The following B3GALT1 variants were observed in gnomAD, a reference collection of about 807,000 sequenced individuals.
B3GALT1 encodes UDP-Gal:betaGlcNAc beta 1,3-galactosyltransferase, polypeptide 1.
In B3GALT1, 10 loss-of-function variants were observed where a neutral mutation model predicts 23.2. That is an observed-to-expected ratio of 0.43 (90% CI 0.27 to 0.73). The LOEUF is 0.73. Ranked by LOEUF, B3GALT1 falls within the 30% of genes least tolerant of loss-of-function variation. The pLI is 0.21. For synonymous variants in B3GALT1, 156 were observed against 141.5 expected (o/e 1.10, Z -0.73); for missense variants, 299 against 405.4 (o/e 0.74, Z 2.25).
rs1698392394 is a variant in B3GALT1, at chr2:167,411,512, C to A, written c.-510-78665C>A. Among the ~76,000 whole-genome samples the A allele has an allele frequency of 1.3e-5, 2 of 151,924 alleles. 1 individual carries two copies. Among genetic ancestry groups the A allele is most frequent in the Admixed American group, 1.3e-4 (2 of 15,260 alleles). On this transcript the variant is annotated intron_variant, in intron 1 of 4. Coordinates refer to ENST00000392690, the MANE Select transcript of B3GALT1 (RefSeq NM_020981.4). ...GAAAAAATGTTCAACATCATTAATC[C>A]TGAAATATCATCTCACCCCAGTTAA... is the stretch of plus-strand genomic sequence containing the variant.
chr2:167,614,956 G>A (rs1399712148), intron 2 of B3GALT1, among the ~76,000 whole-genome samples: 2 of 151,922 alleles, frequency 1.3e-5, no homozygotes, highest in East Asian at 1.9e-4. Flanking sequence ...TGATTTGAAT[G>A]TTAAAAATAA....
At chr2:167,860,044 C>T (rs575832368) in intron 4 of B3GALT1, among the ~76,000 whole-genome samples, 1 of 152,186 alleles carries the variant, frequency 6.6e-6, no homozygotes, top group Admixed American at 6.5e-5. Context: ...TGCTTATTTA[C>T]AGCATAATTA....
chr2:167,773,229 A>G (rs888563768), intron 3 of B3GALT1, among the ~76,000 whole-genome samples: 14 of 152,306 alleles, frequency 9.2e-5, no homozygotes, highest in African/African-American at 3.4e-4. Context: ...ATTTAGAAGC[A>G]ATCTTTGATA....
At chr2:167,560,283 C>T (rs1052600561) in intron 2 of B3GALT1, among the ~76,000 whole-genome samples, 15 of 151,782 alleles carry the variant, frequency 9.9e-5, no homozygotes, top group Non-Finnish European at 1.9e-4. Flanking sequence ...CCAGGCCTGC[C>T]CTCAAAGAGC....
At chr2:167,727,471 A>G (rs1900833) in intron 3 of B3GALT1, among the ~76,000 whole-genome samples, 111,865 of 151,974 alleles carry the variant, frequency 0.74, 42,423 homozygotes, top group Non-Finnish European at 0.86. Context: ...TTAGCCTACC[A>G]CAGTCCATCT....
chr2:167,691,490 A>G (rs960718000), intron 3 of B3GALT1, among the ~76,000 whole-genome samples: 1 of 152,080 alleles, frequency 6.6e-6, no homozygotes, highest in African/African-American at 2.4e-5. Flanking sequence ...AATTAATACC[A>G]ACAAACTAAG....
intron 2 of B3GALT1, among the ~76,000 whole-genome samples, chr2:167,571,972 G>T (rs1169689730): frequency 1.3e-5 from 2 of 151,746 alleles, no homozygotes; most frequent in Non-Finnish European, 2.9e-5. Context: ...ACAAAAAGAT[G>T]CTATAATCTA....
intron 1 of B3GALT1, among the ~76,000 whole-genome samples, chr2:167,416,017 G>A (rs1353285418): frequency 6.6e-6 from 1 of 152,078 alleles, no homozygotes; most frequent in African/African-American, 2.4e-5. Flanking sequence ...AAAAAGATTT[G>A]GAAAACTCTC....
intron 2 of B3GALT1, among the ~76,000 whole-genome samples, chr2:167,576,484 G>A (rs903232290): frequency 7.3e-5 from 11 of 149,704 alleles, no homozygotes; most frequent in African/African-American, 2.2e-4. Flanking sequence ...TAGTGGTTTC[G>A]TGGAGGAGTA....
chr2:167,620,065 A>G (rs962950187), intron 2 of B3GALT1, among the ~76,000 whole-genome samples: 4 of 152,102 alleles, frequency 2.6e-5, no homozygotes, highest in Non-Finnish European at 5.9e-5. Flanking sequence ...CATGTCTGCA[A>G]AGAGTATGAT....
chr2:167,707,138 A>G (rs1174132802), intron 3 of B3GALT1, among the ~76,000 whole-genome samples: 4 of 152,156 alleles, frequency 2.6e-5, no homozygotes, highest in African/African-American at 4.8e-5. Context: ...CACACCTTTC[A>G]GCCGTGGTAG....
intron 1 of B3GALT1, among the ~76,000 whole-genome samples, chr2:167,358,278 T>G (rs571723731): frequency 3.5e-4 from 53 of 152,080 alleles, no homozygotes; most frequent in Non-Finnish European, 3.8e-4. Flanking sequence ...ACAAGTGTAG[T>G]TTTAAAAAGG....
chr2:167,340,416 C>CCTTCAAAAT (rs1476877260), intron 1 of B3GALT1, among the ~76,000 whole-genome samples: 2 of 151,724 alleles, frequency 1.3e-5, no homozygotes, highest in African/African-American at 4.8e-5. Flanking sequence ...GCAGTCTACC[C>CCTTCAAAAT]CTGAAGACAT....
chr2:167,394,195 A>C (rs896976656), intron 1 of B3GALT1, among the ~76,000 whole-genome samples: 1 of 152,176 alleles, frequency 6.6e-6, no homozygotes, highest in African/African-American at 2.4e-5. Flanking sequence ...GTTCTATAAA[A>C]CACAAATTTC....
Position 167,733,835 on chromosome 2 carries a change from G to T in B3GALT1, c.-351-84837G>T, listed in dbSNP as rs115543068. 1.4e-3 allele frequency among the ~76,000 whole-genome samples: 208 copies of T among 152,278 alleles called. 1 individual carries two copies. Among genetic ancestry groups the T allele is most frequent in the African/African-American group, 4.8e-3 (199 of 41,560 alleles). ...GGAATGCTTCACTGTGTCTCTGATG[G>T]TCTTAAGGAGATGTTGTGTGGCAAC... On this transcript the variant is annotated intron_variant, in intron 3 of 4. Transcript: ENST00000392690.
intron 3 of B3GALT1, among the ~76,000 whole-genome samples, chr2:167,818,218 A>T (rs1361101519): frequency 6.6e-6 from 1 of 152,206 alleles, no homozygotes; most frequent in Non-Finnish European, 1.5e-5. Flanking sequence ...AATATTTCAC[A>T]TTTAAAAAAT....
At chr2:167,443,871 C>T (rs565532658) in intron 1 of B3GALT1, among the ~76,000 whole-genome samples, 1 of 152,288 alleles carries the variant, frequency 6.6e-6, no homozygotes, top group East Asian at 1.9e-4. Flanking sequence ...CTTTCTCCTG[C>T]CTGATTGCCC....
In B3GALT1 at chr2:167,510,417, T is replaced by G. The variant is rs551266771; in HGVS notation, c.-410+20140T>G. The stretch of plus-strand genomic sequence containing the variant: ...ATGATTGCAAGTTTTGTTTTTTTTT[T>G]TTTTTTTTTCCAGCCTAAGTTATCC... On this transcript the variant is annotated intron_variant, in intron 2 of 4. Transcript: ENST00000392690. Among the ~76,000 whole-genome samples the G allele has an allele frequency of 1.1e-3, 159 of 151,416 alleles. 1 individual carries two copies. The highest frequency in any genetic ancestry group is 3.5e-3 in the African/African-American group (144 of 41,396).
At chr2:167,555,908 C>T (rs1017088729) in intron 2 of B3GALT1, among the ~76,000 whole-genome samples, 1 of 152,130 alleles carries the variant, frequency 6.6e-6, no homozygotes, top group Admixed American at 6.5e-5. Flanking sequence ...TGCACAATGA[C>T]TCAGTGAGGA....
Sources: allele counts gnomAD v4.1 joint callset (sites outside exome capture counted in the v4.1 genomes callset), GRCh38; gene constraint gnomAD v4.1.1; transcripts MANE v1.5; gene names NCBI Gene and HGNC (gene_info 2026-07-23, HGNC 2026-07-21).